The following ATF7IP variants were observed in gnomAD, a reference collection of about 807,000 sequenced individuals.
The protein encoded by ATF7IP is activating transcription factor 7-interacting protein 1.
Under a neutral mutation model 106.4 loss-of-function variants are expected in ATF7IP, and 23 were observed. The observed-to-expected ratio is 0.22, with a 90% CI of 0.16 to 0.31. The LOEUF (loss-of-function observed/expected upper bound fraction) is 0.31, where lower values mean the gene tolerates loss of function less well. Ranked by LOEUF, ATF7IP falls within the 10% of genes least tolerant of loss-of-function variation. The pLI is 1.00. For synonymous variants in ATF7IP, 542 were observed against 539.0 expected, an observed-to-expected ratio of 1.01 and a Z score of -0.08; for missense variants, 1,334 against 1,524.3, an observed-to-expected ratio of 0.88 and a Z score of 2.08.
chr12:14,426,376 C>T (rs1476826162), intron 2 of ATF7IP, among the ~76,000 whole-genome samples: 2 of 151,924 alleles, frequency 1.3e-5, no homozygotes, highest in Non-Finnish European at 2.9e-5. Context: ...ATTTAGACAT[C>T]TCTGAGAGAA....
At chr12:14,448,862 A>C (rs1479991445) in intron 6 of ATF7IP, among the ~76,000 whole-genome samples, 1 of 152,122 alleles carries the variant, frequency 6.6e-6, no homozygotes, top group Non-Finnish European at 1.5e-5. Context: ...TGTATGTGAT[A>C]CCTCATTGTA....
intron 7 of ATF7IP, 85 bp from the exon 8 acceptor site, chr12:14,457,122 G>A: frequency 2.6e-6 from 3 of 1,170,624 alleles, no homozygotes; most frequent in Non-Finnish European, 3.7e-6. Flanking sequence ...TTTTTCCCCT[G>A]TGGGCCACTG....
intron 1 of ATF7IP, among the ~76,000 whole-genome samples, chr12:14,372,570 T>C (rs1938574669): frequency 1.3e-5 from 2 of 152,256 alleles, no homozygotes; most frequent in South Asian, 2.1e-4. Context: ...AGATGACTTA[T>C]TAACTTTGCC....
chr12:14,440,407 T>A (rs2136638366), intron 5 of ATF7IP, among the ~76,000 whole-genome samples: 1 of 152,336 alleles, frequency 6.6e-6, no homozygotes, highest in East Asian at 1.9e-4. Context: ...TATTCATTTT[T>A]AAAATTTTTA....
chr12:14,385,891 C>T (rs1177637226), intron 1 of ATF7IP, among the ~76,000 whole-genome samples: 1 of 151,902 alleles, frequency 6.6e-6, no homozygotes, highest in Non-Finnish European at 1.5e-5. Flanking sequence ...TTAATACTGT[C>T]CAAAATCTTT....
Position 14,425,484 on chromosome 12 carries a change from A to G in ATF7IP, c.1558+11A>G. 6.7e-7 allele frequency: 1 copy of G among 1,502,928 alleles called. No homozygotes were observed. 93.1% of individuals were successfully genotyped at this position (1,502,928 alleles called of 1,614,324 possible). ...AAACGTGCTCTCCAGGTTAGCATAT[A>G]ACTTAAATGTTAAAGATTTTTTATT... On this transcript the variant is annotated intron_variant, in intron 2 of 14. Coordinates refer to ENST00000261168, the MANE Select transcript of ATF7IP (RefSeq NM_018179.5).
chr12:14,468,277 A>AG (rs1943907653), intron 10 of ATF7IP, among the ~76,000 whole-genome samples: 1 of 150,666 alleles, frequency 6.6e-6, no homozygotes, highest in Admixed American at 6.6e-5. Flanking sequence ...CATCTCAAAA[A>AG]AAAAAAAAAA....
chr12:14,443,365 C>T (rs576405505), intron 5 of ATF7IP, among the ~76,000 whole-genome samples: 2 of 152,192 alleles, frequency 1.3e-5, no homozygotes, highest in South Asian at 4.1e-4. Flanking sequence ...ATCTGTGAAA[C>T]CTCTAGCACA....
chr12:14,369,888 G>T (rs550517673), intron 1 of ATF7IP, among the ~76,000 whole-genome samples: 2 of 151,216 alleles, frequency 1.3e-5, no homozygotes, highest in South Asian at 2.1e-4. Flanking sequence ...TCCTCTAGGG[G>T]TTCCACCGAT....
intron 6 of ATF7IP, among the ~76,000 whole-genome samples, chr12:14,454,708 A>G (rs1943357823): frequency 6.6e-6 from 1 of 152,194 alleles, no homozygotes; most frequent in African/African-American, 2.4e-5. Flanking sequence ...AGTCATCTCC[A>G]TATGGGAAGC....
At chr12:14,451,247 C>T (rs1943190285) in intron 6 of ATF7IP, among the ~76,000 whole-genome samples, 1 of 151,152 alleles carries the variant, frequency 6.6e-6, no homozygotes, top group African/African-American at 2.4e-5. Context: ...AATGTCTTCT[C>T]TTTCTTTCAT....
intron 8 of ATF7IP, among the ~76,000 whole-genome samples, chr12:14,458,548 G>GT (rs1236291391): frequency 6.6e-6 from 1 of 152,148 alleles, no homozygotes; most frequent in Non-Finnish European, 1.5e-5. Context: ...TTGGACAAGC[G>GT]TGGTGGCTTA....
chr12:14,453,781 C>T (rs868045934), intron 6 of ATF7IP, among the ~76,000 whole-genome samples: 5 of 151,964 alleles, frequency 3.3e-5, no homozygotes, highest in Admixed American at 6.6e-5. Context: ...CCCACCATCA[C>T]GCTCGGCTAA....
chr12:14,479,741 T>G (rs1316257821), intron 12 of ATF7IP, among the ~76,000 whole-genome samples: 3 of 152,178 alleles, frequency 2.0e-5, no homozygotes, highest in African/African-American at 7.2e-5. Context: ...AATTTTACCT[T>G]GTTGGCATTT....
Position 14,425,280 on chromosome 12 carries a change from A to C in ATF7IP, c.1365A>C (p.Thr455=). ...SEDELTCFSK[T]SLLPIDETNP... is the part of the protein sequence containing the mutation. ...ATGAACTTACTTGCTTTTCTAAAACATCTCTCCTTCCAATCGATGAGACAA... is the reference window on the plus strand; with the variant it reads ...ATGAACTTACTTGCTTTTCTAAAACCTCTCTCCTTCCAATCGATGAGACAA... The change falls in exon 2 of 15, where the codon ACA becomes ACC. Residue 455 remains threonine (T), a synonymous_variant. Coordinates refer to ENST00000261168, the MANE Select transcript of ATF7IP (RefSeq NM_018179.5). The C allele has an allele frequency of 6.3e-7, 1 of 1,599,120 alleles. No homozygotes were observed. Among genetic ancestry groups the C allele is most frequent in the Non-Finnish European group, 8.5e-7 (1 of 1,175,328 alleles).
At chr12:14,426,471 T>C (rs1174733057) in intron 2 of ATF7IP, among the ~76,000 whole-genome samples, 1 of 151,304 alleles carries the variant, frequency 6.6e-6, no homozygotes, top group Non-Finnish European at 1.5e-5. Context: ...ACAACTTTTT[T>C]CCCCAATATA....
intron 13 of ATF7IP, 139 bp from the exon 14 acceptor site, chr12:14,496,092 C>A: frequency 1.7e-6 from 1 of 591,922 alleles, no homozygotes; most frequent in Non-Finnish European, 3.0e-6. Context: ...TGAATACGAA[C>A]AGGACCTCTA....
In ATF7IP at chr12:14,366,989, G is replaced by A. The variant is rs141480921; in HGVS notation, c.-8+1162G>A. Among the ~76,000 whole-genome samples the A allele has an allele frequency of 6.5e-4, 99 of 152,214 alleles. 1 individual carries two copies. The highest frequency in any genetic ancestry group is 9.6e-4 in the Non-Finnish European group (65 of 67,952). ...ATATGCTACTGATTAGTTTAAAATG[G>A]TAGTGTCAACTATAGTTAAATCTTA... On this transcript the variant is annotated intron_variant, in intron 1 of 14. Transcript: ENST00000261168.
chr12:14,478,424 G>A lies in ATF7IP; in HGVS notation c.3049G>A (p.Val1017Met). The A allele has an allele frequency of 6.2e-7, 1 of 1,614,052 alleles. No homozygotes were observed. Among genetic ancestry groups the A allele is most frequent in the Non-Finnish European group, 8.5e-7 (1 of 1,179,956 alleles). The change falls in exon 12 of 15, where the codon GTG becomes ATG. Residue 1017 changes from valine (V) to methionine (M), a missense_variant. Val to Met is a conservative substitution (Grantham distance 21, BLOSUM62 1). This residue lies in a region of ATF7IP where 370 missense variants were observed against 401.2 expected (regional missense o/e 0.92). Coordinates refer to ENST00000261168, the MANE Select transcript of ATF7IP (RefSeq NM_018179.5). ...AGCACCGCCTCTTCAACCATCTGGGGTGCCAACAAGTGGACCATCTCAGAC... is the reference window on the plus strand; with the variant it reads ...AGCACCGCCTCTTCAACCATCTGGGATGCCAACAAGTGGACCATCTCAGAC... ...QPAPPLQPSG[V>M]PTSGPSQTTI...
Sources: allele counts gnomAD v4.1 joint callset (sites outside exome capture counted in the v4.1 genomes callset), GRCh38; gene constraint gnomAD v4.1.1; regional missense constraint gnomAD v4.1.1; transcripts MANE v1.5; gene names NCBI Gene and HGNC (gene_info 2026-07-23, HGNC 2026-07-21).